SLC2A10: variants seen among roughly 807,000 people sequenced by gnomAD.
SLC2A10 encodes solute carrier family 2, facilitated glucose transporter member 10.
SLC2A10 carries 25 observed loss-of-function variants against 32.1 expected under a neutral mutation model. The ratio of observed to expected loss-of-function variants is 0.78; its 90% CI spans 0.57 to 1.09. The LOEUF (loss-of-function observed/expected upper bound fraction) is 1.09, where lower values mean the gene tolerates loss of function less well. Among genes scored for constraint, SLC2A10 ranks in the 50% least tolerant of loss-of-function variants. The pLI, the probability that SLC2A10 is intolerant of heterozygous loss-of-function variation, is 0.00. For missense variants in SLC2A10, 673 were observed against 686.5 expected (o/e 0.98, Z 0.22); for synonymous variants, 332 against 309.6 (o/e 1.07, Z -0.76).
At chr20:46,710,848 G>T (rs1415871689) in intron 1 of SLC2A10, among the ~76,000 whole-genome samples, 3 of 152,158 alleles carry the variant, frequency 2.0e-5, no homozygotes, top group Admixed American at 6.5e-5. Context: ...TTTTAAGCTG[G>T]AGCGGGGCCG....
At position 46,729,394 on chromosome 20, in the gene SLC2A10, A is replaced by AGG. The variant is rs768770317; in HGVS notation, c.1453_1454insGG (p.Thr485ArgfsTer25). The stretch of plus-strand genomic sequence containing the variant: ...CTGGACCTTCCTGCTCTACGGACTG[A>AGG]CCGCTGTCCTCGGCCTGGGCTTCAT... On this transcript the variant is annotated frameshift_variant, in exon 4 of 5. Coordinates refer to ENST00000359271, the MANE Select transcript of SLC2A10 (RefSeq NM_030777.4). LOFTEE classifies it high-confidence loss of function. 1 of 1,613,862 alleles carries AGG rather than the reference A, an allele frequency of 6.2e-7. No individual in the cohort carries two copies. The highest frequency in any genetic ancestry group is 1.1e-5 in the South Asian group (1 of 91,066).
Position 46,735,698 on chromosome 20 carries a change from A to G in SLC2A10, c.*1864A>G, listed in dbSNP as rs577378771. The stretch of plus-strand genomic sequence containing the variant: ...TCAGGGCTTGATTTATTGTTTGTTG[A>G]TTTTCTAGACTTCAGAACATGCTGG... On this transcript the variant is annotated 3_prime_UTR_variant, in exon 5 of 5. Coordinates refer to ENST00000359271, the MANE Select transcript of SLC2A10 (RefSeq NM_030777.4). The G allele has an allele frequency of 3.3e-5, 5 of 152,242 alleles. No individual in the cohort carries two copies. In the South Asian group the frequency reaches 1.0e-3, roughly 32 times the overall value. The allele number at this position is 152,242 out of a possible 1,614,324, so 9.4% of individuals were successfully genotyped here.
intron 1 of SLC2A10, chr20:46,709,972 A>G: frequency 3.6e-6 from 2 of 553,052 alleles, no homozygotes; most frequent in Non-Finnish European, 6.3e-6. Flanking sequence ...GTGGCCCCTC[A>G]CTTGCTGCAG....
intron 2 of SLC2A10, 143 bp downstream of exon 2, chr20:46,726,467 C>T: frequency 7.9e-7 from 1 of 1,271,312 alleles, no homozygotes; most frequent in South Asian, 1.3e-5. Context: ...GGGCCCCTCA[C>T]TTACCTGCAG....
rs1366164834 is a variant in SLC2A10, at chr20:46,726,013, G to A, written c.977G>A (p.Gly326Asp). The A allele has an allele frequency of 3.7e-6, 6 of 1,613,886 alleles. No individual in the cohort carries two copies. In the African/African-American group the frequency reaches 5.3e-5, roughly 14 times the overall value. ...AGCTTTGCCGTGCCCATGGACTCAGGCCCAAGCTGTCTGGCTGTGCCCAAT... is the reference window on the plus strand; with the variant it reads ...AGCTTTGCCGTGCCCATGGACTCAGACCCAAGCTGTCTGGCTGTGCCCAAT... ...LVSFAVPMDS[G>D]PSCLAVPNAT... Residue 326 changes from glycine to aspartate, a missense_variant, in exon 2 of 5, where the codon GGC (glycine) becomes GAC (aspartate). By Grantham distance (94) the Gly-to-Asp change is moderately conservative. Transcript: ENST00000359271.
chr20:46,716,247 G>A (rs964797415), intron 1 of SLC2A10, among the ~76,000 whole-genome samples: 3 of 151,064 alleles, frequency 2.0e-5, no homozygotes, highest in East Asian at 2.0e-4. Flanking sequence ...CCACCTTCCC[G>A]GATTCAAATG....
intron 1 of SLC2A10, among the ~76,000 whole-genome samples, chr20:46,721,487 T>G (rs1979555052): frequency 6.7e-6 from 1 of 149,700 alleles, no homozygotes; most frequent in Non-Finnish European, 1.5e-5. Context: ...TTTCCATGAG[T>G]CTGGAAATTC....
At position 46,709,745 on chromosome 20, in the gene SLC2A10, G is replaced by A. The variant is rs1451693272; in HGVS notation, c.4+5G>A. The A allele has an allele frequency of 6.5e-7, 1 of 1,547,754 alleles. No homozygotes were observed. The highest frequency in any genetic ancestry group is 2.0e-5 in the Admixed American group (1 of 50,986). On this transcript the variant is annotated splice_donor_5th_base_variant and intron_variant, in intron 1 of 4. Transcript: ENST00000359271. ...GCCGAGTCCCGCTCGCCATGGGTAA[G>A]TCCCGATCGGGCGCTGCCTGCTGGA...
At chr20:46,728,115 G>GAAGGAAGGGAGGGAGGGAGA (rs1271255668) in intron 3 of SLC2A10, among the ~76,000 whole-genome samples, 120 of 152,226 alleles carry the variant, frequency 7.9e-4, no homozygotes, top group African/African-American at 2.8e-3. Flanking sequence ...AGGGAGGGAG[G>GAAGGAAGGGAGGGAGGGAGA]AAGGAAGGAA....
chr20:46,718,525 C>G (rs982915286), intron 1 of SLC2A10, among the ~76,000 whole-genome samples: 3 of 152,124 alleles, frequency 2.0e-5, no homozygotes, highest in African/African-American at 7.2e-5. Context: ...TTAATTTACT[C>G]TCAGGTTCTT....
intron 1 of SLC2A10, among the ~76,000 whole-genome samples, chr20:46,718,220 GA>G (rs979026210): frequency 3.8e-4 from 57 of 148,590 alleles, no homozygotes; most frequent in Middle Eastern, 3.4e-3. Context: ...CCTCATCTTA[GA>G]AAAAAAAAAG....
At chr20:46,731,708 T>C (rs1227381019) in intron 4 of SLC2A10, among the ~76,000 whole-genome samples, 1 of 152,020 alleles carries the variant, frequency 6.6e-6, no homozygotes, top group Non-Finnish European at 1.5e-5. Context: ...AGGTCTGTGT[T>C]TTATCATCTC....
chr20:46,717,054 G>C (rs912418031), intron 1 of SLC2A10, among the ~76,000 whole-genome samples: 1 of 152,096 alleles, frequency 6.6e-6, no homozygotes, highest in African/African-American at 2.4e-5. Context: ...CCTGCATCCC[G>C]TTAGCCACAT....
upstream of SLC2A10, among the ~76,000 whole-genome samples, chr20:46,708,907 C>T (rs1355511225): frequency 6.6e-6 from 1 of 152,216 alleles, no homozygotes; most frequent in Non-Finnish European, 1.5e-5. Context: ...GCGGGGAATG[C>T]CGGATCTCTG....
At chr20:46,729,274 C>A (rs1980143256) in intron 3 of SLC2A10, 79 bp from the exon 4 acceptor site, 1 of 1,591,192 alleles carries the variant, frequency 6.3e-7, no homozygotes. Context: ...CATGCCTGAC[C>A]TAGAACCTAC....
At chr20:46,716,353 AT>A (rs1979239255) in intron 1 of SLC2A10, among the ~76,000 whole-genome samples, 1 of 151,940 alleles carries the variant, frequency 6.6e-6, no homozygotes, top group Non-Finnish European at 1.5e-5. Context: ...GGTTCTCATC[AT>A]GTTGGCCAGG....
intron 1 of SLC2A10, among the ~76,000 whole-genome samples, chr20:46,721,057 A>T (rs1600662869): frequency 6.6e-6 from 1 of 152,172 alleles, no homozygotes; most frequent in East Asian, 1.9e-4. Flanking sequence ...GTGACAGTGT[A>T]GCCAGATTTC....
intron 4 of SLC2A10, among the ~76,000 whole-genome samples, chr20:46,732,314 C>A (rs895054509): frequency 6.6e-6 from 1 of 152,266 alleles, no homozygotes; most frequent in African/African-American, 2.4e-5. Context: ...TCAAAAATTC[C>A]TGTTTTATCC....
chr20:46,732,474 A>G (rs112355107), intron 4 of SLC2A10, among the ~76,000 whole-genome samples: 24 of 152,160 alleles, frequency 1.6e-4, no homozygotes, highest in African/African-American at 5.8e-4. Context: ...GGAGAGAGAT[A>G]GACTACAAAA....
Sources: gnomAD v4.1 joint callset for allele counts (sites outside exome capture counted in the v4.1 genomes callset) on GRCh38, gnomAD v4.1.1 for gene constraint, MANE v1.5 for transcripts, NCBI Gene and HGNC (gene_info 2026-07-23, HGNC 2026-07-21) for gene names.